Variants in RNF111 observed in about 807,000 individuals in gnomAD.
RNF111 encodes the protein E3 ubiquitin-protein ligase Arkadia.
Under a neutral mutation model 95.1 loss-of-function variants are expected in RNF111, and 17 were observed. That is an observed-to-expected ratio of 0.18 (90% CI 0.12 to 0.27). The LOEUF is 0.27. Among genes scored for constraint, RNF111 ranks in the 10% least tolerant of loss-of-function variants. RNF111 has a pLI of 1.00. For synonymous variants in RNF111, 440 were observed against 414.8 expected (o/e 1.06, Z -0.74); for missense variants, 1,189 against 1,210.4 (o/e 0.98, Z 0.26).
intron 1 of RNF111, among the ~76,000 whole-genome samples, chr15:59,021,083 C>T (rs1394845960): frequency 6.6e-6 from 1 of 152,052 alleles, no homozygotes; most frequent in Non-Finnish European, 1.5e-5. Context: ...CACCCTTTCC[C>T]CCAAAGTCCT....
chr15:59,068,407 G>C (rs1470050540), intron 6 of RNF111, among the ~76,000 whole-genome samples: 1 of 152,180 alleles, frequency 6.6e-6, no homozygotes, highest in Non-Finnish European at 1.5e-5. Context: ...AGAAGTTCAA[G>C]ACCAGCCTGG....
chr15:59,070,183 A>T (rs189199512), intron 6 of RNF111, among the ~76,000 whole-genome samples: 1 of 151,616 alleles, frequency 6.6e-6, no homozygotes, highest in East Asian at 1.9e-4. Context: ...TAGTTTAATT[A>T]GTGTGATGCA....
intron 1 of RNF111, among the ~76,000 whole-genome samples, chr15:58,994,247 C>T (rs1282719409): frequency 3.3e-5 from 5 of 151,546 alleles, no homozygotes; most frequent in African/African-American, 4.8e-5. Flanking sequence ...CTATGTTGGC[C>T]AGGCTGGTCT....
In RNF111 at chr15:59,031,047, G is replaced by A; in HGVS notation, c.225G>A (p.Glu75=). ...TGTGTGATGATTCTCAAAAGCAAGA[G>A]AAGGAAATGAATGGTAACCAGCAAG... The part of the protein sequence containing the change: ...SHLCDDSQKQ[E]KEMNGNQQEQ... Residue 75 remains glutamate, a synonymous_variant, in exon 2 of 14, where the codon GAG becomes GAA. Coordinates refer to ENST00000348370, the MANE Select transcript of RNF111 (RefSeq NM_017610.8). 6.2e-7 allele frequency: 1 copy of A among 1,614,228 alleles called. No individual in the cohort carries two copies. The highest frequency in any genetic ancestry group is 8.5e-7 in the Non-Finnish European group (1 of 1,180,036).
chr15:59,051,145 A>G (rs138659988), intron 2 of RNF111, among the ~76,000 whole-genome samples: 133 of 152,338 alleles, frequency 8.7e-4, no homozygotes, highest in African/African-American at 3.1e-3. Context: ...TTAGAAAAGA[A>G]CGGGCATTTA....
intron 1 of RNF111, among the ~76,000 whole-genome samples, chr15:59,028,738 C>T (rs1355108910): frequency 6.6e-6 from 1 of 150,732 alleles, no homozygotes. Flanking sequence ...TGGGTACATA[C>T]CTAGGAGTGG....
At chr15:59,015,128 C>A (rs1205399664) in intron 1 of RNF111, among the ~76,000 whole-genome samples, 1 of 152,100 alleles carries the variant, frequency 6.6e-6, no homozygotes, top group Non-Finnish European at 1.5e-5. Flanking sequence ...TCAGTACTTA[C>A]TAGGACCAAA....
At chr15:59,041,880 T>A (rs1275001065) in intron 2 of RNF111, among the ~76,000 whole-genome samples, 3 of 152,000 alleles carry the variant, frequency 2.0e-5, no homozygotes, top group African/African-American at 7.2e-5. Context: ...TTATTTTTTT[T>A]AATGTGTAAT....
At chr15:59,081,540 C>T (rs896743377) in intron 8 of RNF111, among the ~76,000 whole-genome samples, 3 of 151,192 alleles carry the variant, frequency 2.0e-5, no homozygotes, top group Non-Finnish European at 4.4e-5. Context: ...ACAAAAAAAA[C>T]CATGAAGTCT....
intron 6 of RNF111, among the ~76,000 whole-genome samples, chr15:59,074,518 C>A (rs534608976): frequency 3.4e-4 from 52 of 152,308 alleles, no homozygotes; most frequent in African/African-American, 1.2e-3. Flanking sequence ...CATGAACTAA[C>A]CTCTGCTATC....
chr15:59,012,898 C>T (rs1218681317), intron 1 of RNF111, among the ~76,000 whole-genome samples: 2 of 152,120 alleles, frequency 1.3e-5, no homozygotes, highest in South Asian at 2.1e-4. Flanking sequence ...GACACCACAC[C>T]TGGCTAATTT....
At chr15:59,053,429 G>A (rs1254727980) in intron 3 of RNF111, among the ~76,000 whole-genome samples, 2 of 152,120 alleles carry the variant, frequency 1.3e-5, no homozygotes, top group African/African-American at 4.8e-5. Flanking sequence ...ATTTAGAAGT[G>A]CATTTGCTTA....
chr15:59,081,494 C>T (rs1215127563), intron 8 of RNF111, among the ~76,000 whole-genome samples: 1 of 150,590 alleles, frequency 6.6e-6, no homozygotes, highest in Non-Finnish European at 1.5e-5. Flanking sequence ...TTGTTGTTTT[C>T]TTTTTTTAAA....
chr15:59,045,191 CTTT>C (rs1174976804), intron 2 of RNF111, among the ~76,000 whole-genome samples: 2 of 138,488 alleles, frequency 1.4e-5, no homozygotes, highest in Non-Finnish European at 1.6e-5. Context: ...AGTGTTTCCT[CTTT>C]TTTTTTTTTT....
chr15:59,037,285 A>G (rs2041226112), intron 2 of RNF111, among the ~76,000 whole-genome samples: 1 of 152,206 alleles, frequency 6.6e-6, no homozygotes, highest in South Asian at 2.1e-4. Context: ...CCTGTTAAAC[A>G]TTTAGTTTTT....
intron 5 of RNF111, among the ~76,000 whole-genome samples, chr15:59,060,807 A>T (rs7183822): frequency 0.08 from 11,519 of 143,968 alleles, 550 homozygotes; most frequent in African/African-American, 0.13. Context: ...TATTATTATT[A>T]TTTTTTTTTT....
intron 1 of RNF111, among the ~76,000 whole-genome samples, chr15:58,999,056 A>G (rs554505286): frequency 6.6e-6 from 1 of 152,324 alleles, no homozygotes; most frequent in South Asian, 2.1e-4. Flanking sequence ...GTTTTGGGGT[A>G]GTATCAAAGA....
At chr15:59,072,659 A>G (rs1335228325) in intron 6 of RNF111, among the ~76,000 whole-genome samples, 2 of 151,408 alleles carry the variant, frequency 1.3e-5, no homozygotes, top group African/African-American at 2.4e-5. Flanking sequence ...TCACCGTGAT[A>G]GCCACGTTGG....
intron 5 of RNF111, among the ~76,000 whole-genome samples, chr15:59,063,300 C>G (rs1242200737): frequency 6.6e-6 from 1 of 152,188 alleles, no homozygotes; most frequent in African/African-American, 2.4e-5. Context: ...CTTTCATTTT[C>G]ACCTTTGTAT....
Sources: allele counts gnomAD v4.1 joint callset (sites outside exome capture counted in the v4.1 genomes callset), GRCh38; gene constraint gnomAD v4.1.1; transcripts MANE v1.5; gene names NCBI Gene and HGNC (gene_info 2026-07-23, HGNC 2026-07-21).